Variants in SLC35F3 observed in about 807,000 individuals in gnomAD.
The protein encoded by SLC35F3 is solute carrier family 35 member F3, also known as putative thiamine transporter SLC35F3.
A neutral mutation model predicts 49.9 loss-of-function variants in SLC35F3; 25 were observed. The ratio of observed to expected loss-of-function variants is 0.50; its 90% CI spans 0.37 to 0.70. The LOEUF is 0.70. Among genes scored for constraint, SLC35F3 ranks in the 30% least tolerant of loss-of-function variants. The probability of loss-of-function intolerance (pLI) is 0.00; values close to 1 mark genes in which losing one functional copy is unlikely to be tolerated. For synonymous variants in SLC35F3, 275 were observed against 265.4 expected, an observed-to-expected ratio of 1.04 and a Z score of -0.35; for missense variants, 525 against 639.8, an observed-to-expected ratio of 0.82 and a Z score of 1.94.
chr1:234,082,804 C>A (rs1664899620), intron 2 of SLC35F3, among the ~76,000 whole-genome samples: 1 of 152,174 alleles, frequency 6.6e-6, no homozygotes, highest in African/African-American at 2.4e-5. Flanking sequence ...GACATATTCA[C>A]CACCAGGAGA....
At chr1:233,948,903 G>A (rs1662560317) in intron 2 of SLC35F3, among the ~76,000 whole-genome samples, 1 of 152,240 alleles carries the variant, frequency 6.6e-6, no homozygotes, top group Admixed American at 6.5e-5. Flanking sequence ...CCTGGCACAA[G>A]CATTTTCTAA....
At chr1:234,224,459 A>T (rs377182069) in intron 2 of SLC35F3, among the ~76,000 whole-genome samples, 184 of 152,338 alleles carry the variant, frequency 1.2e-3, no homozygotes, top group African/African-American at 4.2e-3. Flanking sequence ...GGAAGAACAC[A>T]ATCACTCAGT....
At chr1:234,229,213 T>C (rs1667331359) in intron 2 of SLC35F3, among the ~76,000 whole-genome samples, 1 of 152,200 alleles carries the variant, frequency 6.6e-6, no homozygotes, top group Non-Finnish European at 1.5e-5. Flanking sequence ...TTCAAATCTA[T>C]CCAAGCATGG....
intron 2 of SLC35F3, among the ~76,000 whole-genome samples, chr1:234,115,941 C>T (rs1199238717): frequency 6.6e-6 from 1 of 151,650 alleles, no homozygotes; most frequent in Non-Finnish European, 1.5e-5. Context: ...GGTCTGGGAA[C>T]GTCAATAATT....
At chr1:234,285,218 G>T in intron 3 of SLC35F3, 1 of 410,942 alleles carries the variant, frequency 2.4e-6, no homozygotes, top group South Asian at 1.8e-5. Context: ...ACATGATCAA[G>T]GACATTTCAC....
intron 2 of SLC35F3, chr1:234,213,146 G>T (rs1667066508): frequency 6.6e-6 from 1 of 152,194 alleles, no homozygotes; most frequent in Non-Finnish European, 1.5e-5. Context: ...CATCTGGTAG[G>T]TGCTGAGCTA....
At chr1:234,119,106 A>G (rs114550816) in intron 2 of SLC35F3, among the ~76,000 whole-genome samples, 1 of 152,190 alleles carries the variant, frequency 6.6e-6, no homozygotes, top group African/African-American at 2.4e-5. Context: ...AGCACATCCC[A>G]TGACTGAGCT....
chr1:234,026,936 C>T (rs960907629), intron 2 of SLC35F3: 3 of 152,494 alleles, frequency 2.0e-5, no homozygotes, highest in Non-Finnish European at 4.4e-5. Context: ...AGTGGTGCCA[C>T]ACTTTAGGAT....
intron 2 of SLC35F3, among the ~76,000 whole-genome samples, chr1:233,994,044 C>T (rs1435441801): frequency 1.3e-5 from 2 of 152,120 alleles, no homozygotes; most frequent in African/African-American, 4.8e-5. Context: ...TTAATTGTCA[C>T]CGTGCAATCT....
chr1:234,007,969 A>C (rs1418140093), intron 2 of SLC35F3, among the ~76,000 whole-genome samples: 2 of 152,166 alleles, frequency 1.3e-5, no homozygotes, highest in Non-Finnish European at 2.9e-5. Context: ...GGCTAAATAG[A>C]TGAATGCATT....
intron 2 of SLC35F3, among the ~76,000 whole-genome samples, chr1:233,916,632 A>G (rs2102785190): frequency 6.6e-6 from 1 of 152,370 alleles, no homozygotes; most frequent in Admixed American, 6.5e-5. Flanking sequence ...AATTGTAAAA[A>G]TCCTCAGAAA....
chr1:234,133,289 A>G (rs16842600), intron 2 of SLC35F3, among the ~76,000 whole-genome samples: 2,761 of 152,270 alleles, frequency 0.018, 79 homozygotes, highest in African/African-American at 0.063. Flanking sequence ...CAATGAGAAA[A>G]ACAATGTAAG....
intron 2 of SLC35F3, among the ~76,000 whole-genome samples, chr1:233,916,178 T>C (rs11589612): frequency 0.36 from 54,385 of 152,188 alleles, 10,763 homozygotes; most frequent in Middle Eastern, 0.46. Context: ...CCAGAACAAC[T>C]AATTTCAAAG....
At chr1:234,260,801 C>T (rs192847550) in intron 3 of SLC35F3, among the ~76,000 whole-genome samples, 36 of 152,268 alleles carry the variant, frequency 2.4e-4, no homozygotes, top group Middle Eastern at 6.8e-3. Flanking sequence ...AAGTGCCTCA[C>T]GTCTCCCTCC....
At chr1:234,001,691 G>A (rs1410892940) in intron 2 of SLC35F3, among the ~76,000 whole-genome samples, 2 of 151,214 alleles carry the variant, frequency 1.3e-5, no homozygotes, top group Non-Finnish European at 3.0e-5. Context: ...AGGTTCTGCA[G>A]TTTAAGAAAT....
rs566210297 is a variant in SLC35F3, at chr1:234,205,667, CAGTGCTATG to C, written c.284-25747_284-25739del. Among the ~76,000 whole-genome samples, 39 of 152,358 alleles carry C rather than the reference CAGTGCTATG, an allele frequency of 2.6e-4. No individual in the cohort carries two copies. The South Asian group carries it at 8.1e-3, about 32-fold the overall frequency. ...AAGAAACTCTGCCAAGAGTCAAACC[CAGTGCTATG>C]AGGAGTTGTTCTTTGAGATAGATGG... On this transcript the variant is annotated intron_variant, in intron 2 of 7. Coordinates refer to ENST00000366618, the MANE Select transcript of SLC35F3 (RefSeq NM_173508.4).
At chr1:233,981,158 T>G (rs1383137866) in intron 2 of SLC35F3, among the ~76,000 whole-genome samples, 9 of 152,308 alleles carry the variant, frequency 5.9e-5, no homozygotes, top group African/African-American at 2.2e-4. Flanking sequence ...AACCAGGAAA[T>G]TGACTTGGGT....
intron 3 of SLC35F3, among the ~76,000 whole-genome samples, chr1:234,298,233 T>C (rs1668636012): frequency 6.6e-6 from 1 of 151,962 alleles, no homozygotes; most frequent in African/African-American, 2.4e-5. Flanking sequence ...ATGCTGAAAG[T>C]GATTGAGGTA....
chr1:234,207,427 T>TA (rs1558260486), intron 2 of SLC35F3, among the ~76,000 whole-genome samples: 1 of 932 alleles, frequency 1.1e-3, no homozygotes, highest in African/African-American at 4.0e-3. Context: ...TCTCCCTCCC[T>TA]CTTTCCTGCT....
Sources: allele counts gnomAD v4.1 joint callset (sites outside exome capture counted in the v4.1 genomes callset), GRCh38; gene constraint gnomAD v4.1.1; transcripts MANE v1.5; gene names NCBI Gene and HGNC (gene_info 2026-07-23, HGNC 2026-07-21).